ANKMY1: variants seen among roughly 807,000 people sequenced by gnomAD.
The protein encoded by ANKMY1 is ankyrin repeat and MYND domain containing 1.
In ANKMY1, 98 loss-of-function variants were observed where a neutral mutation model predicts 102.0. The observed-to-expected ratio is 0.96, with a 90% CI of 0.82 to 1.14. The LOEUF (loss-of-function observed/expected upper bound fraction) is 1.14. Among genes scored for constraint, ANKMY1 ranks in the 50% most tolerant of loss-of-function variants. The pLI is 0.00. For missense variants in ANKMY1, 1,330 were observed against 1,347.6 expected (o/e 0.99, Z 0.20); for synonymous variants, 582 against 559.9 (o/e 1.04, Z -0.56).
At chr2:240,471,040 G>A in the ANKMY1 span, among the ~76,000 whole-genome samples, 2 of 151,970 alleles carry the variant, frequency 1.3e-5, no homozygotes, top group Admixed American at 6.6e-5. Flanking sequence ...CCTGGAAACC[G>A]CAAAGAAACG....
At position 240,516,323 on chromosome 2, in the gene ANKMY1, T is replaced by TG. The variant is rs552788800; in HGVS notation, c.2005-3382dup. Among the ~76,000 whole-genome samples, 15 of 152,270 alleles carry TG rather than the reference T, an allele frequency of 9.9e-5. 1 individual carries two copies. The South Asian group carries it at 3.1e-3, about 32-fold the overall frequency. ...TCTTCTTTACCTCAAACTACCTTTT[T>TG]GGGGGGTATTGGGTCCCTAAAGTCC... On this transcript the variant is annotated intron_variant, in intron 9 of 17. Coordinates refer to ENST00000401804, the MANE Select transcript of ANKMY1 (RefSeq NM_001282771.3).
intron 9 of ANKMY1, among the ~76,000 whole-genome samples, chr2:240,518,935 TCAAA>T (rs966663436): frequency 4.6e-5 from 7 of 152,324 alleles, no homozygotes; most frequent in Middle Eastern, 3.4e-3. Context: ...CCGCCTGCCC[TCAAA>T]CACTCAATGC....
intron 4 of ANKMY1, among the ~76,000 whole-genome samples, chr2:240,544,555 G>A (rs1054948380): frequency 6.6e-6 from 1 of 152,186 alleles, no homozygotes; most frequent in Non-Finnish European, 1.5e-5. Context: ...GAGCATAAGC[G>A]ACGCAGAAGA....
intron 4 of ANKMY1, among the ~76,000 whole-genome samples, chr2:240,531,643 C>T (rs1052294105): frequency 1.2e-4 from 18 of 152,094 alleles, no homozygotes; most frequent in South Asian, 2.1e-4. Context: ...ATACTACACC[C>T]GGTAAAATTG....
chr2:240,546,633 A>T (rs1309554032), intron 4 of ANKMY1, among the ~76,000 whole-genome samples: 1 of 152,196 alleles, frequency 6.6e-6, no homozygotes, highest in Non-Finnish European at 1.5e-5. Flanking sequence ...GTGCAGAGAC[A>T]CACATAGGCT....
intron 9 of ANKMY1, among the ~76,000 whole-genome samples, chr2:240,513,273 GC>G (rs1195804072): frequency 6.6e-6 from 1 of 152,150 alleles, no homozygotes; most frequent in Admixed American, 6.5e-5. Context: ...GCCCTGCCAG[GC>G]CCACCACATT....
At chr2:240,541,621 G>A (rs370689403) in intron 4 of ANKMY1, among the ~76,000 whole-genome samples, 12 of 149,844 alleles carry the variant, frequency 8.0e-5, no homozygotes, top group African/African-American at 2.9e-4. Context: ...TCCTGCCTCA[G>A]CCTCCAGAGT....
chr2:240,473,478 C>CAAAAAAAAAAAAAAA, the ANKMY1 span, among the ~76,000 whole-genome samples: 1 of 135,074 alleles, frequency 7.4e-6, no homozygotes, highest in African/African-American at 2.8e-5. Flanking sequence ...ACCAATTAAC[C>CAAAAAAAAAAAAAAA]AAAAAAAAAA....
chr2:240,544,555 G>T (rs1054948380), intron 4 of ANKMY1, among the ~76,000 whole-genome samples: 1 of 152,186 alleles, frequency 6.6e-6, no homozygotes, highest in African/African-American at 2.4e-5. Context: ...GAGCATAAGC[G>T]ACGCAGAAGA....
chr2:240,539,411 C>T (rs966291662), intron 4 of ANKMY1, among the ~76,000 whole-genome samples: 1 of 152,302 alleles, frequency 6.6e-6, no homozygotes, highest in Admixed American at 6.5e-5. Flanking sequence ...GCCAGCGAGA[C>T]CATGAACCCG....
At chr2:240,554,666 G>T in intron 3 of ANKMY1, 200 bp downstream of exon 3, 1 of 593,046 alleles carries the variant, frequency 1.7e-6, no homozygotes, top group South Asian at 2.7e-5. Flanking sequence ...CTCATCCTGG[G>T]ACCCCAGCAA....
In ANKMY1 at chr2:240,510,310, T is replaced by C. The variant is rs544786520; in HGVS notation, c.2287-855A>G. Among the ~76,000 whole-genome samples, 22 of 140,568 alleles carry C rather than the reference T, an allele frequency of 1.6e-4. No individual in the cohort carries two copies. The South Asian group carries it at 5.3e-3, about 34-fold the overall frequency. 92.2% of individuals were successfully genotyped at this position (140,568 alleles called of 152,430 possible). On this transcript the variant is annotated intron_variant, in intron 11 of 17. Coordinates refer to ENST00000401804, the MANE Select transcript of ANKMY1 (RefSeq NM_001282771.3). ...CACATCCTTGCCCTTCCTGCCTCCC[T>C]GCCTCCTGCCCTCCTCCCCCGTCCC...
downstream of ANKMY1, among the ~76,000 whole-genome samples, chr2:240,478,712 C>T (rs1432832432): frequency 7.6e-6 from 1 of 132,410 alleles, no homozygotes; most frequent in Non-Finnish European, 1.6e-5. Context: ...CCATCTTTGG[C>T]GAGACCAGGA....
chr2:240,519,460 T>C (rs545715644), intron 9 of ANKMY1, among the ~76,000 whole-genome samples: 1 of 152,198 alleles, frequency 6.6e-6, no homozygotes, highest in Non-Finnish European at 1.5e-5. Flanking sequence ...CCATCCCCTG[T>C]GAACCTAACG....
At chr2:240,511,128 ACCTC>A (rs2080101641) in intron 11 of ANKMY1, among the ~76,000 whole-genome samples, 1 of 147,384 alleles carries the variant, frequency 6.8e-6, no homozygotes, top group Non-Finnish European at 1.5e-5. Context: ...CCACCTCCCC[ACCTC>A]CCTGTCTGCC....
chr2:240,509,489 C>G (rs1244473029), intron 11 of ANKMY1, 34 bp from the exon 12 acceptor site: 1 of 1,472,732 alleles, frequency 6.8e-7, no homozygotes, highest in South Asian at 1.2e-5. Flanking sequence ...TAGAGAGGCA[C>G]CCCCACCCAT....
chr2:240,481,473 T>C (rs1370568312), intron 16 of ANKMY1, among the ~76,000 whole-genome samples: 1 of 151,922 alleles, frequency 6.6e-6, no homozygotes, highest in Non-Finnish European at 1.5e-5. Flanking sequence ...ATGGGAGAAG[T>C]GACTCTTCGA....
At chr2:240,522,956 G>A (rs1042406856) in intron 8 of ANKMY1, 4 of 152,178 alleles carry the variant, frequency 2.6e-5, no homozygotes, top group Admixed American at 2.0e-4. Context: ...GGCAGGCTGT[G>A]TTCAGGAGAA....
chr2:240,561,041 G>A (rs769649960), upstream of ANKMY1: 12 of 1,517,102 alleles, frequency 7.9e-6, no homozygotes, highest in Middle Eastern at 2.3e-4. Flanking sequence ...CGTACCTCAT[G>A]CGGCACCGCG....
Sources: allele counts gnomAD v4.1 joint callset (sites outside exome capture counted in the v4.1 genomes callset), GRCh38; gene constraint gnomAD v4.1.1; transcripts MANE v1.5; gene names NCBI Gene and HGNC (gene_info 2026-07-23, HGNC 2026-07-21).